The following INPP1 variants were observed in gnomAD, a reference collection of about 807,000 sequenced individuals.
The protein encoded by INPP1 is inositol polyphosphate 1-phosphatase.
Under a neutral mutation model 23.0 loss-of-function variants are expected in INPP1, and 18 were observed. That is an observed-to-expected ratio of 0.78 (90% confidence interval 0.54 to 1.16). The LOEUF (loss-of-function observed/expected upper bound fraction) is 1.16, where lower values mean the gene tolerates loss of function less well. INPP1 is among the 50% of genes most tolerant of loss of function. INPP1 has a pLI of 0.00. For synonymous variants in INPP1, 164 were observed against 176.3 expected (o/e 0.93, Z 0.55); for missense variants, 448 against 482.1 (o/e 0.93, Z 0.66).
chr2:190,347,075 G>A (rs142780385), intron 1 of INPP1, among the ~76,000 whole-genome samples: 2,638 of 129,604 alleles, frequency 0.02, 92 homozygotes, highest in African/African-American at 0.073. Context: ...GCAGTGGTGT[G>A]ATCTCGGCTC....
In INPP1 at chr2:190,366,852, C is replaced by T. The variant is rs775017663; in HGVS notation, c.423C>T (p.Ile141=). The change falls in exon 5 of 7, where the codon ATC becomes ATT. Residue 141 remains isoleucine (I), a synonymous_variant. Transcript: ENST00000392329. The stretch of plus-strand genomic sequence containing the variant: ...ACCCAACTCTGGATTCCACAGAGAT[C>T]AATGTTCCACAGGACATTTTGGGAA... ...FTDPTLDSTE[I]NVPQDILGIW... is the part of the protein sequence containing the mutation. 1.9e-6 allele frequency: 3 copies of T among 1,613,878 alleles called. No homozygotes were observed. The Admixed American group carries it at 5.0e-5, about 27-fold the overall frequency.
At chr2:190,348,375 A>C (rs1689264273) in intron 1 of INPP1, among the ~76,000 whole-genome samples, 1 of 152,164 alleles carries the variant, frequency 6.6e-6, no homozygotes, top group Admixed American at 6.5e-5. Flanking sequence ...TTTAACTTTA[A>C]AAAAATTGTG....
chr2:190,348,791 GT>G (rs1689271521), intron 1 of INPP1, 96 bp from the exon 2 acceptor site: 1 of 152,174 alleles, frequency 6.6e-6, no homozygotes. Flanking sequence ...AAACAGAGAA[GT>G]TTTGAACTGG....
chr2:190,362,843 A>T, intron 4 of INPP1, 156 bp downstream of exon 4: 1 of 455,110 alleles, frequency 2.2e-6, no homozygotes, highest in Non-Finnish European at 3.9e-6. Context: ...ACCTCAGAAT[A>T]TCATGCCATT....
At position 190,367,823 on chromosome 2, in the gene INPP1, C is replaced by T. The variant is rs972074841; in HGVS notation, c.466+928C>T. 6.6e-6 allele frequency among the ~76,000 whole-genome samples: 1 copy of T among 152,186 alleles called. No homozygotes were observed. Among genetic ancestry groups the T allele is most frequent in the African/African-American group, 2.4e-5 (1 of 41,438 alleles). ...TCAAGCGATCTGCCTGCCTTGGCCT[C>T]CTAAAGTGCTAGGATGATTACAGGC... On this transcript the variant is annotated intron_variant, in intron 5 of 6. Coordinates refer to ENST00000392329, the MANE Select transcript of INPP1 (RefSeq NM_001128928.2). The surrounding 1 kb of genome is among the most constrained non-coding windows in gnomAD (Gnocchi z 4.1).
rs1379232717 is a variant in INPP1 at position 190,354,543 on chromosome 2, C to T, written c.-64-5496C>T. ...GGGAGACATGCCAGAGATTAACGCC[C>T]ACGATGGAAAGGCCAGGTGAGGCCA... On this transcript the variant is annotated intron_variant, in intron 2 of 6. Coordinates refer to ENST00000392329, the MANE Select transcript of INPP1 (RefSeq NM_001128928.2). The surrounding 1 kb of genome is among the most constrained non-coding windows in gnomAD (Gnocchi z 4.8). Among the ~76,000 whole-genome samples the T allele has an allele frequency of 6.6e-6, 1 of 152,180 alleles. No individual in the cohort carries two copies. The highest frequency in any genetic ancestry group is 1.5e-5 in the Non-Finnish European group (1 of 68,038).
intron 2 of INPP1, among the ~76,000 whole-genome samples, chr2:190,353,073 C>CT (rs1009761151): frequency 1.4e-4 from 22 of 152,278 alleles, no homozygotes; most frequent in African/African-American, 4.6e-4. Flanking sequence ...ACCCGCTTGC[C>CT]TATTGATTAG....
At chr2:190,364,606 T>TTTTTTTTTTTTTTTTG (rs796196740) in intron 4 of INPP1, among the ~76,000 whole-genome samples, 30 of 96,344 alleles carry the variant, frequency 3.1e-4, no homozygotes, top group Admixed American at 4.5e-4. Context: ...TTTTTTTTTT[T>TTTTTTTTTTTTTTTTG]GTTAGATGGA....
At chr2:190,362,084 C>A (rs999719600) in intron 3 of INPP1, among the ~76,000 whole-genome samples, 3 of 152,128 alleles carry the variant, frequency 2.0e-5, no homozygotes, top group African/African-American at 4.8e-5. Context: ...CCAATAAAAT[C>A]TTTCTCTTTT....
At position 190,369,218 on chromosome 2, in the gene INPP1, G is replaced by A. The variant is rs199940421; in HGVS notation, c.582G>A (p.Gly194=). The A allele has an allele frequency of 7.2e-5, 115 of 1,605,396 alleles. 1 individual carries two copies. The East Asian group carries it at 2.2e-3, about 30-fold the overall frequency. The change falls in exon 6 of 7, where the codon GGG becomes GGA. Residue 194 remains glycine, a synonymous_variant. Coordinates refer to ENST00000392329, the MANE Select transcript of INPP1 (RefSeq NM_001128928.2). ...ILIGVYDIQT[G]VPLMGVINQP... Reference sequence around the variant, plus strand: ...TTGGTGTCTATGACATACAGACAGGGGTTCCCCTGATGGGAGTCATCAATC... The same window carrying A: ...TTGGTGTCTATGACATACAGACAGGAGTTCCCCTGATGGGAGTCATCAATC...
intron 4 of INPP1, chr2:190,365,039 T>C (rs956231632): frequency 1.2e-5 from 2 of 167,648 alleles, no homozygotes; most frequent in African/African-American, 4.8e-5. Flanking sequence ...TGCCATGTTT[T>C]CTTAGTTTTT....
intron 3 of INPP1, among the ~76,000 whole-genome samples, chr2:190,362,190 A>G (rs1427277119): frequency 6.6e-6 from 1 of 152,206 alleles, no homozygotes; most frequent in Non-Finnish European, 1.5e-5. Flanking sequence ...TCTATCCTCT[A>G]ATTCCTTCTA....
rs1408804589 is a variant in INPP1, at chr2:190,363,470, G to A, written c.265+783G>A. ...GCTGGTCTCAAACTCCTGACCTCAG[G>A]TAATCTGATTTCTTTCAGAGAAACA... On this transcript the variant is annotated intron_variant, in intron 4 of 6. Coordinates refer to ENST00000392329, the MANE Select transcript of INPP1 (RefSeq NM_001128928.2). The surrounding 1 kb of genome is among the most constrained non-coding windows in gnomAD (Gnocchi z 4.4). Among the ~76,000 whole-genome samples, 1 of 152,036 alleles carries A rather than the reference G, an allele frequency of 6.6e-6. No individual in the cohort carries two copies. The highest frequency in any genetic ancestry group is 1.5e-5 in the Non-Finnish European group (1 of 68,010).
intron 4 of INPP1, among the ~76,000 whole-genome samples, chr2:190,366,178 T>TCTCGCTC (rs55832729): frequency 3.6e-5 from 3 of 83,768 alleles, no homozygotes; most frequent in Non-Finnish European, 6.9e-5. Context: ...TCTTTGTCTC[T>TCTCGCTC]TGCTCTCTGT....
In INPP1 at chr2:190,368,329, T is replaced by G. The variant is rs1390573533; in HGVS notation, c.467-774T>G. Among the ~76,000 whole-genome samples the G allele has an allele frequency of 3.3e-5, 5 of 152,170 alleles. No individual in the cohort carries two copies. The highest frequency in any genetic ancestry group is 5.9e-5 in the Non-Finnish European group (4 of 68,028). Reference sequence around the variant, plus strand: ...GGGAAACCTAGTTTCTCTGCCTCTGTTTCATAGGAGCTCCGTTAATTTCTT... The same window carrying G: ...GGGAAACCTAGTTTCTCTGCCTCTGGTTCATAGGAGCTCCGTTAATTTCTT... On this transcript the variant is annotated intron_variant, in intron 5 of 6. Coordinates refer to ENST00000392329, the MANE Select transcript of INPP1 (RefSeq NM_001128928.2). The surrounding 1 kb of genome is among the most constrained non-coding windows in gnomAD (Gnocchi z 4.3).
chr2:190,360,464 A>G (rs940865089), intron 3 of INPP1, among the ~76,000 whole-genome samples, 158 bp downstream of exon 3: 3 of 152,228 alleles, frequency 2.0e-5, no homozygotes, highest in African/African-American at 7.2e-5. Context: ...TCATGATTAC[A>G]GTATTGATAA....
In INPP1 at chr2:190,356,315, C is replaced by T. The variant is rs889275339; in HGVS notation, c.-64-3724C>T. 6.6e-6 allele frequency among the ~76,000 whole-genome samples: 1 copy of T among 152,138 alleles called. No homozygotes were observed. The highest frequency in any genetic ancestry group is 1.5e-5 in the Non-Finnish European group (1 of 68,026). On this transcript the variant is annotated intron_variant, in intron 2 of 6. Coordinates refer to ENST00000392329, the MANE Select transcript of INPP1 (RefSeq NM_001128928.2). This position sits in a 1 kb window ranked among gnomAD's most constrained non-coding sequence, Gnocchi z 6.4. ...AAACGAAGAGTGAACTCTGGGATAA[C>T]CTTGGAACTGAAAAACCTGATTATT...
At position 190,370,839 on chromosome 2, in the gene INPP1, T is replaced by C; in HGVS notation, c.642-5T>C. On this transcript the variant is annotated splice_region_variant and splice_polypyrimidine_tract_variant and intron_variant, in intron 6 of 6. Transcript: ENST00000392329. ...TCATCACCAATTGAAATTTTTCTTC[T>C]ACAGGTGGAAAGGACAGTGCTATTG... 2 of 1,561,260 alleles carry C rather than the reference T, an allele frequency of 1.3e-6. No individual in the cohort carries two copies. Among genetic ancestry groups the C allele is most frequent in the Non-Finnish European group, 1.7e-6 (2 of 1,153,420 alleles).
In INPP1 at chr2:190,366,899, A is replaced by G; in HGVS notation, c.466+4A>G. The G allele has an allele frequency of 6.4e-7, 1 of 1,568,174 alleles. No individual in the cohort carries two copies. Among genetic ancestry groups the G allele is most frequent in the African/African-American group, 1.3e-5 (1 of 74,106 alleles). On this transcript the variant is annotated splice_donor_region_variant and intron_variant, in intron 5 of 6. Transcript: ENST00000392329. ...GGAATTTGGGTGGACCCCATAGGTAAGTATAGGAAAGTATGTTTGTTCTTA... is the reference window on the plus strand; with the variant it reads ...GGAATTTGGGTGGACCCCATAGGTAGGTATAGGAAAGTATGTTTGTTCTTA...
Sources: gnomAD v4.1 joint callset for allele counts (sites outside exome capture counted in the v4.1 genomes callset) on GRCh38, gnomAD v4.1.1 for gene constraint, Gnocchi (gnomAD v3.1) non-coding constraint, MANE v1.5 for transcripts, NCBI Gene and HGNC (gene_info 2026-07-23, HGNC 2026-07-21) for gene names.